The following RNF138 variants were observed in gnomAD, a reference collection of about 807,000 sequenced individuals.
RNF138 encodes E3 ubiquitin-protein ligase RNF138.
RNF138 carries 12 observed loss-of-function variants against 31.0 expected under a neutral mutation model. The ratio of observed to expected loss-of-function variants is 0.39; its 90% CI spans 0.25 to 0.63. The LOEUF (loss-of-function observed/expected upper bound fraction) is 0.63. Among genes scored for constraint, RNF138 ranks in the 20% least tolerant of loss-of-function variants. The pLI is 0.52. For synonymous variants in RNF138, 105 were observed against 99.5 expected (o/e 1.06, Z -0.33); for missense variants, 192 against 300.1 (o/e 0.64, Z 2.66).
At chr18:32,106,798 C>T (rs141604337) in intron 2 of RNF138, among the ~76,000 whole-genome samples, 25 of 151,952 alleles carry the variant, frequency 1.6e-4, no homozygotes, top group African/African-American at 4.8e-4. Context: ...GATTTCCTGA[C>T]CTCGTGATCC....
At chr18:32,102,195 C>CTTTTTTTTTTTTTTTTTTTTTTTTTT (rs1167535943) in intron 2 of RNF138, among the ~76,000 whole-genome samples, 1 of 63,812 alleles carries the variant, frequency 1.6e-5, no homozygotes, top group African/African-American at 6.2e-5. Flanking sequence ...CTTTTAGTTT[C>CTTTTTTTTTTTTTTTTTTTTTTTTTT]TTTTTTTTTT....
chr18:32,127,553 A>G (rs1419555863), intron 7 of RNF138, among the ~76,000 whole-genome samples: 1 of 152,226 alleles, frequency 6.6e-6, no homozygotes, highest in East Asian at 1.9e-4. Context: ...CATTCTTGTT[A>G]AATGGTTTTT....
At chr18:32,103,498 C>T (rs535341096) in intron 2 of RNF138, among the ~76,000 whole-genome samples, 42 of 151,778 alleles carry the variant, frequency 2.8e-4, no homozygotes, top group Admixed American at 1.2e-3. Flanking sequence ...TGGTCTCATT[C>T]AGCATTTGAT....
intron 2 of RNF138, among the ~76,000 whole-genome samples, chr18:32,104,821 A>G (rs1319178944): frequency 1.3e-5 from 2 of 152,208 alleles, no homozygotes; most frequent in African/African-American, 2.4e-5. Context: ...TTTTCTCCAC[A>G]CAGTTCTAAA....
Position 32,130,052 on chromosome 18 carries a change from A to G in RNF138, c.*865A>G, listed in dbSNP as rs2040448094. The G allele has an allele frequency of 6.6e-6, 1 of 152,490 alleles. No homozygotes were observed. The highest frequency in any genetic ancestry group is 1.5e-5 in the Non-Finnish European group (1 of 67,910). The allele number at this position is 152,490 out of a possible 1,614,324, so 9.4% of individuals were successfully genotyped here. A position where few individuals can be genotyped will look rare whatever the true frequency, so the allele number is the denominator to read the frequency against. On this transcript the variant is annotated 3_prime_UTR_variant, in exon 8 of 8. Coordinates refer to ENST00000261593, the MANE Select transcript of RNF138 (RefSeq NM_016271.5). ...GAGGTTTGGCTTCATCTCAGTTTAG[A>G]AATTTATTCAAAGCTAAAGATGTAT...
intron 2 of RNF138, among the ~76,000 whole-genome samples, chr18:32,107,768 C>G (rs142823185): frequency 0.02 from 3,017 of 152,060 alleles, 100 homozygotes; most frequent in African/African-American, 0.07. Context: ...CCACCCGCCT[C>G]AGCCTCCCAA....
Position 32,111,936 on chromosome 18 carries a change from A to G in RNF138, c.276+17A>G. 6.4e-7 allele frequency: 1 copy of G among 1,559,644 alleles called. No individual in the cohort carries two copies. Among genetic ancestry groups the G allele is most frequent in the Non-Finnish European group, 8.7e-7 (1 of 1,154,826 alleles). ...GCAAAACAGGTAGAGTAAATGTGACATCTCTCTTCTTTGGAAGCCAAGTTT... is the reference window on the plus strand; with the variant it reads ...GCAAAACAGGTAGAGTAAATGTGACGTCTCTCTTCTTTGGAAGCCAAGTTT... On this transcript the variant is annotated intron_variant, in intron 3 of 7. Transcript: ENST00000261593.
At position 32,100,862 on chromosome 18, in the gene RNF138, C is replaced by G. The variant is rs527556565; in HGVS notation, c.110+7976C>G. Among the ~76,000 whole-genome samples, 15 of 152,256 alleles carry G rather than the reference C, an allele frequency of 9.9e-5. No individual in the cohort carries two copies. In the South Asian group the frequency reaches 2.9e-3, roughly 29 times the overall value. On this transcript the variant is annotated intron_variant, in intron 2 of 7. Transcript: ENST00000261593. Reference sequence around the variant, plus strand: ...TCAAGCGATCTGCTCGCCTTGGCCTCCCAGAGTGCTGGGATCACAGGCCTG... The same window carrying G: ...TCAAGCGATCTGCTCGCCTTGGCCTGCCAGAGTGCTGGGATCACAGGCCTG...
chr18:32,116,531 TA>T (rs1403119732), intron 4 of RNF138, among the ~76,000 whole-genome samples: 6 of 151,300 alleles, frequency 4.0e-5, no homozygotes, highest in African/African-American at 1.5e-4. Context: ...TTTTTTTTTT[TA>T]AATTTTTAAA....
At chr18:32,097,390 A>G (rs2039828365) in intron 2 of RNF138, among the ~76,000 whole-genome samples, 1 of 152,160 alleles carries the variant, frequency 6.6e-6, no homozygotes, top group Non-Finnish European at 1.5e-5. Context: ...GTTAAGCACA[A>G]ATTTGTGTAA....
intron 2 of RNF138, among the ~76,000 whole-genome samples, chr18:32,103,932 T>C (rs2039984227): frequency 1.3e-5 from 2 of 149,314 alleles, no homozygotes; most frequent in African/African-American, 4.9e-5. Context: ...GCCACTGCAC[T>C]CCAGCCTGGG....
chr18:32,116,806 A>G (rs950826206), intron 4 of RNF138, among the ~76,000 whole-genome samples: 2 of 152,160 alleles, frequency 1.3e-5, no homozygotes, highest in Admixed American at 1.3e-4. Context: ...GCTGGTCTCG[A>G]ACTCCTGACC....
rs552340979 is a variant in RNF138, at chr18:32,105,800, A to C, written c.111-5954A>C. ...AGGTTAAAGACAAATGATGGACTGAATGTCGTCTGTTCTACTTGCTGCAAC... is the reference window on the plus strand; with the variant it reads ...AGGTTAAAGACAAATGATGGACTGACTGTCGTCTGTTCTACTTGCTGCAAC... On this transcript the variant is annotated intron_variant, in intron 2 of 7. Coordinates refer to ENST00000261593, the MANE Select transcript of RNF138 (RefSeq NM_016271.5). Among the ~76,000 whole-genome samples the C allele has an allele frequency of 3.3e-5, 5 of 152,340 alleles. No homozygotes were observed. In the South Asian group the frequency reaches 1.0e-3, roughly 32 times the overall value.
At position 32,104,013 on chromosome 18, in the gene RNF138, C is replaced by CTTT. The variant is rs745696010; in HGVS notation, c.111-7726_111-7724dup. ...AGCAAATTAGGAATAGGCTAAAAAA[C>CTTT]TTTTTTTTTTTTTTTTTGGAGGCAG... On this transcript the variant is annotated intron_variant, in intron 2 of 7. Transcript: ENST00000261593. Among the ~76,000 whole-genome samples the CTTT allele has an allele frequency of 2.3e-3, 302 of 130,808 alleles. 6 individuals are homozygous for CTTT. Among genetic ancestry groups the CTTT allele is most frequent in the Admixed American group, 6.6e-3 (83 of 12,620 alleles). 85.8% of individuals were successfully genotyped at this position (130,808 alleles called of 152,430 possible).
At chr18:32,128,530 T>G (rs1288528140) in intron 7 of RNF138, among the ~76,000 whole-genome samples, 1 of 152,190 alleles carries the variant, frequency 6.6e-6, no homozygotes, top group Non-Finnish European at 1.5e-5. Context: ...AGAGCCAAAC[T>G]GCCCCCCAAA....
chr18:32,116,987 G>A (rs144017581), intron 4 of RNF138, among the ~76,000 whole-genome samples: 2,468 of 152,034 alleles, frequency 0.016, 34 homozygotes, highest in African/African-American at 0.041. Context: ...CTACAACATC[G>A]ACCTCCCAGG....
chr18:32,105,655 G>T (rs1339174879), intron 2 of RNF138, among the ~76,000 whole-genome samples: 1 of 152,126 alleles, frequency 6.6e-6, no homozygotes, highest in Non-Finnish European at 1.5e-5. Context: ...GAAATGTGGG[G>T]GAATATCTCT....
At chr18:32,118,279 T>C (rs2040248480) in intron 4 of RNF138, among the ~76,000 whole-genome samples, 1 of 152,218 alleles carries the variant, frequency 6.6e-6, no homozygotes, top group Non-Finnish European at 1.5e-5. Context: ...CTCACGCCTG[T>C]AGTCCCAGCT....
chr18:32,125,836 C>T (rs2040375280), intron 6 of RNF138, among the ~76,000 whole-genome samples: 1 of 152,092 alleles, frequency 6.6e-6, no homozygotes, highest in African/African-American at 2.4e-5. Context: ...TCTCACATAC[C>T]ACCTAAGAAG....
Sources: allele counts gnomAD v4.1 joint callset (sites outside exome capture counted in the v4.1 genomes callset), GRCh38; gene constraint gnomAD v4.1.1; transcripts MANE v1.5; gene names NCBI Gene and HGNC (gene_info 2026-07-23, HGNC 2026-07-21).